Variants in NUAK1 observed in about 807,000 individuals in gnomAD.
The protein encoded by NUAK1 is NUAK family SNF1-like kinase 1.
In NUAK1, 26 loss-of-function variants were observed where a neutral mutation model predicts 56.9. That is an observed-to-expected ratio of 0.46 (90% CI 0.33 to 0.63). The LOEUF is 0.63. Among genes scored for constraint, NUAK1 ranks in the 30% least tolerant of loss-of-function variants. NUAK1 has a pLI of 0.02. For missense variants in NUAK1, 727 were observed against 876.1 expected, an observed-to-expected ratio of 0.83 and a Z score of 2.15; for synonymous variants, 337 against 336.0, an observed-to-expected ratio of 1.00 and a Z score of -0.03.
At chr12:106,137,660 A>G (rs2033142364) in intron 1 of NUAK1, among the ~76,000 whole-genome samples, 2 of 152,368 alleles carry the variant, frequency 1.3e-5, no homozygotes, top group South Asian at 2.1e-4. Context: ...AGCTGTCACA[A>G]GAGCAGCGGG....
At position 106,067,114 on chromosome 12, in the gene NUAK1, G is replaced by A. The variant is rs191928871; in HGVS notation, c.1674C>T (p.Ala558=). Residue 558 remains alanine (A), a synonymous_variant, in exon 7 of 7, where the codon GCC becomes GCT. Transcript: ENST00000261402. This position sits in a 1 kb window ranked among gnomAD's most constrained non-coding sequence, Gnocchi z 6.0. ...LESLSEPGVP[A]EGLSRSYSRP... ...GGCTGTAGCTCCGGGAGAGGCCCTCGGCAGGGACACCAGGCTCTGACAGGG... is the reference window on the plus strand; with the variant it reads ...GGCTGTAGCTCCGGGAGAGGCCCTCAGCAGGGACACCAGGCTCTGACAGGG... The A allele has an allele frequency of 1.4e-4, 228 of 1,614,212 alleles. 2 individuals carry two copies. In the Admixed American group the frequency reaches 3.3e-3, roughly 23 times the overall value.
At chr12:106,069,470 G>A (rs937808637) in intron 6 of NUAK1, among the ~76,000 whole-genome samples, 1 of 152,178 alleles carries the variant, frequency 6.6e-6, no homozygotes, top group African/African-American at 2.4e-5. Context: ...CAAGAAGGCT[G>A]TGATGTGCCT....
At chr12:106,100,563 A>C (rs1348928375) in intron 2 of NUAK1, among the ~76,000 whole-genome samples, 1 of 152,150 alleles carries the variant, frequency 6.6e-6, no homozygotes, top group Non-Finnish European at 1.5e-5. Flanking sequence ...TCCTCTCTTT[A>C]ATGGCAGTTC....
chr12:106,123,895 C>G (rs1399202315), intron 1 of NUAK1, among the ~76,000 whole-genome samples: 1 of 152,190 alleles, frequency 6.6e-6, no homozygotes, highest in Non-Finnish European at 1.5e-5. Context: ...TATGAGATTT[C>G]TTTGCTTCAA....
At chr12:106,082,277 A>C (rs1324531914) in intron 4 of NUAK1, among the ~76,000 whole-genome samples, 1 of 152,244 alleles carries the variant, frequency 6.6e-6, no homozygotes, top group African/African-American at 2.4e-5. Context: ...TAAATCATCA[A>C]GAAACTTACC....
intron 1 of NUAK1, among the ~76,000 whole-genome samples, chr12:106,130,691 C>G (rs2033069726): frequency 6.6e-6 from 1 of 152,258 alleles, no homozygotes; most frequent in South Asian, 2.1e-4. Flanking sequence ...TCTCACAGAG[C>G]CGCTAGTAGG....
intron 6 of NUAK1, among the ~76,000 whole-genome samples, 185 bp from the exon 7 acceptor site, chr12:106,068,140 T>C (rs2032365052): frequency 6.6e-6 from 1 of 152,154 alleles, no homozygotes; most frequent in Non-Finnish European, 1.5e-5. Flanking sequence ...AAAAGCATAA[T>C]CAAGACTTGG....
chr12:106,133,718 G>A (rs532361635), intron 1 of NUAK1, among the ~76,000 whole-genome samples: 3 of 152,338 alleles, frequency 2.0e-5, no homozygotes, highest in South Asian at 2.1e-4. Context: ...AATGGTAGCA[G>A]TAGAAATATG....
At chr12:106,077,591 G>A (rs1324626049) in intron 4 of NUAK1, among the ~76,000 whole-genome samples, 1 of 152,176 alleles carries the variant, frequency 6.6e-6, no homozygotes, top group East Asian at 1.9e-4. Context: ...CAGGGTTTGA[G>A]CACTTGAGTT....
At chr12:106,116,865 G>C (rs1157490799) in intron 1 of NUAK1, among the ~76,000 whole-genome samples, 1 of 152,236 alleles carries the variant, frequency 6.6e-6, no homozygotes, top group Non-Finnish European at 1.5e-5. Flanking sequence ...TGTGGGACCA[G>C]GTGGGCAAAA....
At chr12:106,106,764 T>C (rs1286417652) in intron 1 of NUAK1, among the ~76,000 whole-genome samples, 1 of 152,034 alleles carries the variant, frequency 6.6e-6, no homozygotes, top group Non-Finnish European at 1.5e-5. Context: ...TTGTTTTTGT[T>C]TTTGTTTTGT....
intron 6 of NUAK1, among the ~76,000 whole-genome samples, chr12:106,069,483 T>C (rs1421766497): frequency 6.6e-6 from 1 of 152,206 alleles, no homozygotes; most frequent in Non-Finnish European, 1.5e-5. Flanking sequence ...ATGTGCCTTA[T>C]GGAGAAGATA....
chr12:106,092,319 C>T (rs1195430108), intron 2 of NUAK1, among the ~76,000 whole-genome samples: 1 of 152,030 alleles, frequency 6.6e-6, no homozygotes, highest in African/African-American at 2.4e-5. Context: ...GAGACCGAGA[C>T]CAGCCTGGTC....
chr12:106,068,686 A>C (rs1219047700), intron 6 of NUAK1, among the ~76,000 whole-genome samples: 1 of 152,240 alleles, frequency 6.6e-6, no homozygotes, highest in Non-Finnish European at 1.5e-5. Flanking sequence ...CTGCTGCCAG[A>C]GAATTAGGGA....
rs1032151501 is a variant in NUAK1, at chr12:106,064,699, C to T, written c.*2103G>A. 5 of 152,214 alleles carry T rather than the reference C, an allele frequency of 3.3e-5. No homozygotes were observed. Among genetic ancestry groups the T allele is most frequent in the African/African-American group, 1.2e-4 (5 of 41,426 alleles). The allele number at this position is 152,214 out of a possible 1,614,324, so 9.4% of individuals were successfully genotyped here. On this transcript the variant is annotated 3_prime_UTR_variant, in exon 7 of 7. Transcript: ENST00000261402. ...TGCCGTGCACAAGGGGCCAGCAGGG[C>T]AGCAGCATAGGCTGTTCAGAAAAGA...
chr12:106,083,001 C>T (rs751213569), intron 4 of NUAK1, among the ~76,000 whole-genome samples: 7 of 152,094 alleles, frequency 4.6e-5, no homozygotes, highest in South Asian at 4.2e-4. Context: ...ATTTTGAAAC[C>T]GTATTTGCTT....
intron 4 of NUAK1, among the ~76,000 whole-genome samples, chr12:106,073,569 A>G (rs573143332): frequency 1.3e-5 from 2 of 152,238 alleles, no homozygotes; most frequent in African/African-American, 4.8e-5. Context: ...AAAGAAATCA[A>G]TCGAGATGAG....
At chr12:106,077,288 C>A (rs2032473938) in intron 4 of NUAK1, among the ~76,000 whole-genome samples, 1 of 152,182 alleles carries the variant, frequency 6.6e-6, no homozygotes, top group Non-Finnish European at 1.5e-5. Context: ...AGTTCCTCAT[C>A]TGCAAAATGG....
intron 2 of NUAK1, among the ~76,000 whole-genome samples, chr12:106,089,333 A>G (rs981537246): frequency 2.0e-5 from 3 of 152,226 alleles, no homozygotes; most frequent in Non-Finnish European, 2.9e-5. Flanking sequence ...CACTTGCCTC[A>G]CACAGACAGA....
Sources: gnomAD v4.1 joint callset for allele counts (sites outside exome capture counted in the v4.1 genomes callset) on GRCh38, gnomAD v4.1.1 for gene constraint, Gnocchi (gnomAD v3.1) non-coding constraint, MANE v1.5 for transcripts, NCBI Gene and HGNC (gene_info 2026-07-23, HGNC 2026-07-21) for gene names.